The following TRIM14 variants were observed in gnomAD, a reference collection of about 807,000 sequenced individuals.
The protein encoded by TRIM14 is tripartite motif-containing protein 14.
In TRIM14, 28 loss-of-function variants were observed where a neutral mutation model predicts 44.5. The observed-to-expected ratio is 0.63, with a 90% CI of 0.47 to 0.86. The LOEUF (loss-of-function observed/expected upper bound fraction) is 0.86. Among genes scored for constraint, TRIM14 ranks in the 40% least tolerant of loss-of-function variants. The pLI is 0.00. For synonymous variants in TRIM14, 299 were observed against 269.2 expected, an observed-to-expected ratio of 1.11 and a Z score of -1.08; for missense variants, 607 against 611.1, an observed-to-expected ratio of 0.99 and a Z score of 0.07.
chr9:98,106,853 T>C (rs970846124), intron 2 of TRIM14, among the ~76,000 whole-genome samples: 4 of 149,372 alleles, frequency 2.7e-5, no homozygotes, highest in African/African-American at 2.5e-5. Flanking sequence ...TGAGACATGG[T>C]CTCGCTCTGT....
intron 4 of TRIM14, 121 bp downstream of exon 4, chr9:98,094,746 G>A (rs561588752): frequency 6.4e-5 from 79 of 1,230,894 alleles, no homozygotes; most frequent in Middle Eastern, 2.1e-4. Context: ...GCCCCTGACC[G>A]CCCAGCCAAG....
At chr9:98,050,434 G>T in the TRIM14 span, among the ~76,000 whole-genome samples, 1 of 152,134 alleles carries the variant, frequency 6.6e-6, no homozygotes, top group Non-Finnish European at 1.5e-5. Context: ...TGAGTAGAGG[G>T]TACCTCCTTA....
rs1423532456 is a variant in TRIM14 at position 98,084,892 on chromosome 9, C to A, written c.*2578G>T. 6.6e-6 allele frequency: 1 copy of A among 152,130 alleles called. No individual in the cohort carries two copies. The highest frequency in any genetic ancestry group is 2.4e-5 in the African/African-American group (1 of 41,396). The allele number at this position is 152,130 out of a possible 1,614,324, so 9.4% of individuals were successfully genotyped here. A position where few individuals can be genotyped will look rare whatever the true frequency, so the allele number is the denominator to read the frequency against. Reference sequence around the variant, plus strand: ...GTTTATAACCTTTGGCTCATTTGAGCCTCACAGCACTTGGTAGGTAGTGCT... The same window carrying A: ...GTTTATAACCTTTGGCTCATTTGAGACTCACAGCACTTGGTAGGTAGTGCT... On this transcript the variant is annotated 3_prime_UTR_variant, in exon 6 of 6. Coordinates refer to ENST00000341469, the MANE Select transcript of TRIM14 (RefSeq NM_014788.4).
chr9:98,051,665 G>A, the TRIM14 span, among the ~76,000 whole-genome samples: 1 of 152,172 alleles, frequency 6.6e-6, no homozygotes, highest in African/African-American at 2.4e-5. Context: ...TGTGGGTTAA[G>A]AGGAGTGAGC....
intron 6 of TRIM14, among the ~76,000 whole-genome samples, chr9:98,072,620 AG>A (rs2131639221): frequency 6.6e-6 from 1 of 152,256 alleles, no homozygotes; most frequent in African/African-American, 2.4e-5. Flanking sequence ...CATGTTGGCC[AG>A]GGTGGTCTTG....
At chr9:98,116,697 A>T (rs1291960547) in intron 1 of TRIM14, among the ~76,000 whole-genome samples, 1 of 151,996 alleles carries the variant, frequency 6.6e-6, no homozygotes, top group Non-Finnish European at 1.5e-5. Context: ...AAAAAAAATT[A>T]GCCAGGTGTG....
At chr9:98,060,925 T>C in the TRIM14 span, 3 of 1,614,172 alleles carry the variant, frequency 1.9e-6, no homozygotes, top group South Asian at 3.3e-5. Context: ...AGTTCAGCCA[T>C]GACCAGTACA....
chr9:98,076,722 G>C lies in TRIM14; in HGVS notation c.*29-7035C>G. On this transcript the variant is annotated intron_variant, in intron 6 of 6. Coordinates refer to the TRIM14 transcript ENST00000375098. The stretch of plus-strand genomic sequence containing the variant: ...AGCACCAAACGTTTGTTGGGCTAAT[G>C]GATGGGTGGATGCAAATGAATGTTT... 3 of 559,896 alleles carry C rather than the reference G, an allele frequency of 5.4e-6. No homozygotes were observed. In the South Asian group the frequency reaches 7.0e-5, roughly 13 times the overall value. The allele number at this position is 559,896 out of a possible 1,614,324, so 34.7% of individuals were successfully genotyped here. A position where few individuals can be genotyped will look rare whatever the true frequency, so the allele number is the denominator to read the frequency against.
At chr9:98,049,798 C>T in the TRIM14 span, among the ~76,000 whole-genome samples, 4 of 152,128 alleles carry the variant, frequency 2.6e-5, no homozygotes, top group African/African-American at 9.7e-5. Flanking sequence ...GGGAATGCAG[C>T]TCAGAAGGTT....
chr9:98,054,098 A>G, the TRIM14 span, among the ~76,000 whole-genome samples: 1 of 152,172 alleles, frequency 6.6e-6, no homozygotes, highest in Non-Finnish European at 1.5e-5. Context: ...GGGCAAGACA[A>G]AGAGCAGAGA....
chr9:98,056,174 C>G, the TRIM14 span, among the ~76,000 whole-genome samples: 1 of 152,148 alleles, frequency 6.6e-6, no homozygotes, highest in Non-Finnish European at 1.5e-5. Flanking sequence ...TAGGAACCTC[C>G]GCCACTTCTT....
rs141066381 is a variant in TRIM14 at position 98,092,142 on chromosome 9, A to T, written c.701-141T>A. 2.5e-3 allele frequency: 1,422 copies of T among 578,466 alleles called. 17 individuals are homozygous for T. The highest frequency in any genetic ancestry group is 0.016 in the South Asian group (491 of 30,982). 35.8% of individuals were successfully genotyped at this position (578,466 alleles called of 1,614,324 possible). The stretch of plus-strand genomic sequence containing the variant: ...ATTTAAGGGATTTATGTGAATTCAC[A>T]GGGACAGGAAAACCCCAGGATGACA... On this transcript the variant is annotated intron_variant, in intron 4 of 5. Coordinates refer to ENST00000341469, the MANE Select transcript of TRIM14 (RefSeq NM_014788.4).
chr9:98,056,678 G>A, the TRIM14 span: 9 of 1,386,966 alleles, frequency 6.5e-6, no homozygotes, highest in South Asian at 4.2e-5. Context: ...TTGGCTGCCC[G>A]GCGACCGCGG....
exon 7 of TRIM14, chr9:98,069,407 G>A (rs1192527653): frequency 6.6e-6 from 1 of 152,154 alleles, no homozygotes; most frequent in African/African-American, 2.4e-5. Flanking sequence ...CTGAGTAGCA[G>A]GGATTACAGG....
downstream of TRIM14, among the ~76,000 whole-genome samples, chr9:98,084,137 A>C (rs530758760): frequency 6.6e-6 from 1 of 151,996 alleles, no homozygotes; most frequent in East Asian, 1.9e-4. Flanking sequence ...CGGAAGATTC[A>C]AGGGACCTCA....
At chr9:98,042,349 C>T in the TRIM14 span, among the ~76,000 whole-genome samples, 3 of 149,206 alleles carry the variant, frequency 2.0e-5, no homozygotes, top group African/African-American at 7.5e-5. Flanking sequence ...ATTGCCTGGA[C>T]ACTTAGTATC....
In TRIM14 at chr9:98,078,418, A is replaced by C. The variant is rs1221526193; in HGVS notation, c.*29-8731T>G. 3 of 1,519,192 alleles carry C rather than the reference A, an allele frequency of 2.0e-6. No individual in the cohort carries two copies. In the African/African-American group the frequency reaches 4.2e-5, roughly 21 times the overall value. 94.1% of individuals were successfully genotyped at this position (1,519,192 alleles called of 1,614,324 possible). A position where few individuals can be genotyped will look rare whatever the true frequency, so the allele number is the denominator to read the frequency against. On this transcript the variant is annotated intron_variant, in intron 6 of 6. Transcript: ENST00000375098. ...GGAAGGCGTAGTCTTTTTTATAACC[A>C]AAATTCTAACAAACATGGCATACTT...
At chr9:98,057,904 T>G in the TRIM14 span, among the ~76,000 whole-genome samples, 1 of 28,662 alleles carries the variant, frequency 3.5e-5, no homozygotes. Context: ...CTCTTACTGT[T>G]TTTTTTTTTT....
chr9:98,112,714 C>T (rs1469360396), intron 1 of TRIM14, among the ~76,000 whole-genome samples: 1 of 146,480 alleles, frequency 6.8e-6, no homozygotes, highest in African/African-American at 2.5e-5. Context: ...CAGGAGATCA[C>T]TTGAATCTGG....
Sources: allele counts gnomAD v4.1 joint callset (sites outside exome capture counted in the v4.1 genomes callset), GRCh38; gene constraint gnomAD v4.1.1; transcripts MANE v1.5; gene names NCBI Gene and HGNC (gene_info 2026-07-23, HGNC 2026-07-21).